Variants in CYP3A7 observed in about 807,000 individuals in gnomAD.
CYP3A7 encodes the protein cytochrome P450 family 3 subfamily A member 7.
In CYP3A7, 45 loss-of-function variants were observed where a neutral mutation model predicts 55.2. That is an observed-to-expected ratio of 0.82 (90% CI 0.64 to 1.05). The LOEUF is 1.05. CYP3A7 is among the 50% of genes least tolerant of loss of function. The pLI is 0.00. For missense variants in CYP3A7, 548 were observed against 605.3 expected (o/e 0.91, Z 0.99); for synonymous variants, 180 against 207.4 (o/e 0.87, Z 1.13).
At chr7:99,705,670 A>T (rs1193092109) in intron 12 of CYP3A7, 75 bp from the exon 13 acceptor site, 1 of 1,554,970 alleles carries the variant, frequency 6.4e-7, no homozygotes, top group East Asian at 2.3e-5. Flanking sequence ...AAAGTAAAAA[A>T]AAATTACTGA....
chr7:99,706,982 T>C (rs2151498980), intron 12 of CYP3A7, among the ~76,000 whole-genome samples: 1 of 152,228 alleles, frequency 6.6e-6, no homozygotes, highest in South Asian at 2.1e-4. Context: ...TAATGGCAAA[T>C]TATGAAATTA....
chr7:99,731,367 A>C (rs1226697488), intron 1 of CYP3A7, among the ~76,000 whole-genome samples: 1 of 152,226 alleles, frequency 6.6e-6, no homozygotes, highest in African/African-American at 2.4e-5. Flanking sequence ...ATGATTAGCT[A>C]AAAGCAGCTG....
chr7:99,715,671 G>A, intron 7 of CYP3A7, 87 bp downstream of exon 7: 1 of 1,598,788 alleles, frequency 6.3e-7, no homozygotes. Flanking sequence ...TACATTTTAA[G>A]TGGATGAATT....
Position 99,705,443 on chromosome 7 carries a change from C to A in CYP3A7, c.*57G>T. 1 of 1,575,806 alleles carries A rather than the reference C, an allele frequency of 6.3e-7. No individual in the cohort carries two copies. Among genetic ancestry groups the A allele is most frequent in the Non-Finnish European group, 8.7e-7 (1 of 1,146,764 alleles). On this transcript the variant is annotated 3_prime_UTR_variant, in exon 13 of 13. Coordinates refer to ENST00000336374, the MANE Select transcript of CYP3A7 (RefSeq NM_000765.5). ...TTCTATTTGTAAAGTAATTTGAGGTCTCTGGTGTTCTGGGGCACAGCTTTC... is the reference window on the plus strand; with the variant it reads ...TTCTATTTGTAAAGTAATTTGAGGTATCTGGTGTTCTGGGGCACAGCTTTC...
chr7:99,710,091 C>T (rs945134589), intron 10 of CYP3A7, among the ~76,000 whole-genome samples: 17 of 152,274 alleles, frequency 1.1e-4, no homozygotes, highest in Admixed American at 3.9e-4. Context: ...CCTTTGTGCT[C>T]ACCTCACTGC....
chr7:99,726,943 C>G (rs1288476838), intron 2 of CYP3A7, among the ~76,000 whole-genome samples: 4 of 152,320 alleles, frequency 2.6e-5, no homozygotes, highest in Admixed American at 1.3e-4. Flanking sequence ...ACCCCTTCTA[C>G]AAAACAACTC....
intron 1 of CYP3A7, among the ~76,000 whole-genome samples, chr7:99,734,538 C>T (rs1223420036): frequency 6.6e-6 from 1 of 152,058 alleles, no homozygotes; most frequent in Non-Finnish European, 1.5e-5. Context: ...TATAGATCTG[C>T]AAAACATCCA....
chr7:99,711,377 G>A (rs186926622), intron 9 of CYP3A7, among the ~76,000 whole-genome samples: 32 of 152,320 alleles, frequency 2.1e-4, no homozygotes, highest in Non-Finnish European at 4.6e-4. Context: ...CTTTCCTTTA[G>A]ATATGTTTGA....
At chr7:99,710,674 G>C in intron 10 of CYP3A7, 58 bp downstream of exon 10, 1 of 1,612,668 alleles carries the variant, frequency 6.2e-7, no homozygotes, top group Non-Finnish European at 8.5e-7. Context: ...AAGTGGTGAG[G>C]AAGCATCTTT....
chr7:99,713,073 T>C (rs1292404875), intron 9 of CYP3A7, among the ~76,000 whole-genome samples: 1 of 152,248 alleles, frequency 6.6e-6, no homozygotes, highest in Non-Finnish European at 1.5e-5. Context: ...ATTAAGTTGC[T>C]GCAAAAGTAA....
chr7:99,731,526 C>T (rs1459578347), intron 1 of CYP3A7, among the ~76,000 whole-genome samples: 1 of 152,196 alleles, frequency 6.6e-6, no homozygotes, highest in Admixed American at 6.5e-5. Context: ...TTGGGATTCT[C>T]ATCCTAGGTA....
Position 99,713,457 on chromosome 7 carries a change from C to T in CYP3A7, c.865+12G>A. ...GCCCCACCAGTAGCCCTCAGAAGCA[C>T]TCTTTTGTTACCTTTGTGGGTCTCA... On this transcript the variant is annotated intron_variant, in intron 9 of 12. Coordinates refer to ENST00000336374, the MANE Select transcript of CYP3A7 (RefSeq NM_000765.5). The T allele has an allele frequency of 6.2e-7, 1 of 1,613,322 alleles. No individual in the cohort carries two copies. Among genetic ancestry groups the T allele is most frequent in the Non-Finnish European group, 8.5e-7 (1 of 1,179,490 alleles).
rs200294108 is a variant in CYP3A7, at chr7:99,721,788, T to TA, written c.218+507dup. 6.3e-3 allele frequency among the ~76,000 whole-genome samples: 959 copies of TA among 152,208 alleles called. 6 individuals carry two copies. The highest frequency in any genetic ancestry group is 0.022 in the African/African-American group (912 of 41,518). ...GTGTCTGTGTGCCTATGTGTGTGAT[T>TA]AAAAACCTTGACAAATAAATCAAAG... is the stretch of plus-strand genomic sequence containing the variant. On this transcript the variant is annotated intron_variant, in intron 3 of 12. Coordinates refer to ENST00000336374, the MANE Select transcript of CYP3A7 (RefSeq NM_000765.5).
intron 6 of CYP3A7, among the ~76,000 whole-genome samples, chr7:99,716,874 CTT>C (rs1731245069): frequency 2.0e-5 from 3 of 152,202 alleles, no homozygotes; most frequent in Admixed American, 6.5e-5. Context: ...ATGCTTAAAA[CTT>C]TGATACAATC....
At chr7:99,707,288 C>T (rs45593341) in intron 12 of CYP3A7, among the ~76,000 whole-genome samples, 1 of 152,086 alleles carries the variant, frequency 6.6e-6, no homozygotes, top group African/African-American at 2.4e-5. Context: ...CTTGGCTTCA[C>T]ATGAGAAGCA....
At chr7:99,710,202 T>TA (rs747298784) in intron 10 of CYP3A7, among the ~76,000 whole-genome samples, 5 of 152,170 alleles carry the variant, frequency 3.3e-5, no homozygotes, top group Non-Finnish European at 7.3e-5. Flanking sequence ...ACCTAGTACT[T>TA]AGTGTTATAT....
rs1264163742 is a variant in CYP3A7, at chr7:99,707,873, A to T, written c.1355T>A (p.Met452Lys). The T allele has an allele frequency of 3.7e-6, 6 of 1,613,922 alleles. No individual in the cohort carries two copies. The highest frequency in any genetic ancestry group is 3.3e-5 in the Admixed American group (2 of 59,986). ...AAGGACTCTGACTAGAGCAAGTTTC[A>T]TGTTCACGAGAGCAAACCTCATGCC... ...CIGMRFALVN[M>K]KLALVRVLQN... The change falls in exon 12 of 13, where the codon ATG (methionine) becomes AAG (lysine). Residue 452 changes from methionine to lysine, a missense_variant. Coordinates refer to ENST00000336374, the MANE Select transcript of CYP3A7 (RefSeq NM_000765.5).
rs560535619 is a variant in CYP3A7, at chr7:99,733,533, G to A, written c.71+1490C>T. On this transcript the variant is annotated intron_variant, in intron 1 of 12. Transcript: ENST00000336374. ...CTGAATCCTGGGCTGTACCGGCATCGTCTAAGGCTAAGGTATTGTCTGCCT... is the reference window on the plus strand; with the variant it reads ...CTGAATCCTGGGCTGTACCGGCATCATCTAAGGCTAAGGTATTGTCTGCCT... Among the ~76,000 whole-genome samples, 15 of 152,282 alleles carry A rather than the reference G, an allele frequency of 9.9e-5. No homozygotes were observed. In the South Asian group the frequency reaches 1.0e-3, roughly 11 times the overall value.
At chr7:99,730,956 T>G in intron 2 of CYP3A7, 103 bp downstream of exon 2, 2 of 1,458,846 alleles carry the variant, frequency 1.4e-6, no homozygotes, top group Non-Finnish European at 1.9e-6. Flanking sequence ...TCTGAAAGTA[T>G]AAAATCTCAG....
Sources: allele counts gnomAD v4.1 joint callset (sites outside exome capture counted in the v4.1 genomes callset), GRCh38; gene constraint gnomAD v4.1.1; transcripts MANE v1.5; gene names NCBI Gene and HGNC (gene_info 2026-07-23, HGNC 2026-07-21).